Variants in NCKAP5 observed in about 807,000 individuals in gnomAD.
NCKAP5 encodes nck-associated protein 5.
NCKAP5 carries 92 observed loss-of-function variants against 167.0 expected under a neutral mutation model. The observed-to-expected ratio is 0.55, with a 90% CI of 0.47 to 0.66. The LOEUF (loss-of-function observed/expected upper bound fraction) is 0.66. NCKAP5 is among the 30% of genes least tolerant of loss of function. NCKAP5 has a pLI of 0.00. For synonymous variants in NCKAP5, 891 were observed against 877.4 expected (o/e 1.02, Z -0.27); for missense variants, 2,378 against 2,315.0 (o/e 1.03, Z -0.56).
At chr2:133,579,371 GA>G in the NCKAP5 span, among the ~76,000 whole-genome samples, 2 of 152,222 alleles carry the variant, frequency 1.3e-5, no homozygotes, top group Non-Finnish European at 2.9e-5. Context: ...CCGTAAGTGA[GA>G]AATCAAGCAA....
At chr2:133,123,625 C>T in intron 6 of NCKAP5, 1 of 323,826 alleles carries the variant, frequency 3.1e-6, no homozygotes, top group Non-Finnish European at 6.5e-6. Flanking sequence ...AGAAAATTGC[C>T]CTCTGTATTC....
intron 8 of NCKAP5, among the ~76,000 whole-genome samples, chr2:132,912,379 CA>C (rs1694521519): frequency 6.6e-6 from 1 of 152,162 alleles, no homozygotes; most frequent in Non-Finnish European, 1.5e-5. Flanking sequence ...GACAGTCAAT[CA>C]GGGTTTTTCA....
chr2:133,162,038 G>C (rs538954795), intron 5 of NCKAP5, among the ~76,000 whole-genome samples: 6 of 152,292 alleles, frequency 3.9e-5, no homozygotes, highest in East Asian at 1.9e-4. Flanking sequence ...ATTTAAAGCA[G>C]ATTTGCACTT....
intron 3 of NCKAP5, among the ~76,000 whole-genome samples, chr2:133,368,084 C>T (rs1559422398): frequency 6.6e-6 from 1 of 152,140 alleles, no homozygotes; most frequent in Non-Finnish European, 1.5e-5. Context: ...AAGAGCTCAT[C>T]AGAGAAAACA....
intron 3 of NCKAP5, among the ~76,000 whole-genome samples, chr2:133,316,412 C>T (rs1165184969): frequency 6.6e-6 from 1 of 152,144 alleles, no homozygotes; most frequent in Non-Finnish European, 1.5e-5. Flanking sequence ...CAGGAAGACT[C>T]CTTTTGCTAC....
intron 2 of NCKAP5, among the ~76,000 whole-genome samples, chr2:133,547,276 T>A (rs919270849): frequency 6.6e-6 from 1 of 151,942 alleles, no homozygotes; most frequent in Non-Finnish European, 1.5e-5. Context: ...GAGATCAAAC[T>A]GCAAGGCGGC....
intron 17 of NCKAP5, among the ~76,000 whole-genome samples, chr2:132,729,286 C>T (rs1356381866): frequency 6.6e-6 from 1 of 152,204 alleles, no homozygotes; most frequent in Non-Finnish European, 1.5e-5. Flanking sequence ...TAATGTTATT[C>T]ATCCAACAAC....
chr2:133,520,439 C>A (rs1684378704), intron 2 of NCKAP5, among the ~76,000 whole-genome samples: 1 of 152,180 alleles, frequency 6.6e-6, no homozygotes, highest in Non-Finnish European at 1.5e-5. Context: ...GCTTCCACTG[C>A]TTACTCTATA....
intron 4 of NCKAP5, among the ~76,000 whole-genome samples, chr2:133,265,585 A>G (rs2089156682): frequency 6.6e-6 from 1 of 152,174 alleles, no homozygotes; most frequent in South Asian, 2.1e-4. Context: ...GCCAGTAGCA[A>G]CAGGGCACAC....
chr2:133,302,718 A>G lies in NCKAP5; in HGVS notation c.143+319T>C, dbSNP rs1413546258. On this transcript the variant is annotated intron_variant, in intron 4 of 19. Coordinates refer to ENST00000409261, the MANE Select transcript of NCKAP5 (RefSeq NM_207363.3). Reference sequence around the variant, plus strand: ...AGTGGGTGCAGCGCACCAGCATGGCACATGTATACATATGTAACTAACCTG... The same window carrying G: ...AGTGGGTGCAGCGCACCAGCATGGCGCATGTATACATATGTAACTAACCTG... Among the ~76,000 whole-genome samples the G allele has an allele frequency of 2.4e-4, 36 of 147,860 alleles. No individual in the cohort carries two copies. In the South Asian group the frequency reaches 5.7e-3, roughly 23 times the overall value.
rs114834697 is a variant in NCKAP5, at chr2:133,192,258, A to G, written c.207+21458T>C. Among the ~76,000 whole-genome samples, 773 of 152,230 alleles carry G rather than the reference A, an allele frequency of 5.1e-3. 14 individuals are homozygous for G. Among genetic ancestry groups the G allele is most frequent in the African/African-American group, 0.018 (732 of 41,564 alleles). On this transcript the variant is annotated intron_variant, in intron 5 of 19. Coordinates refer to ENST00000409261, the MANE Select transcript of NCKAP5 (RefSeq NM_207363.3). ...TCTATAGGCAACAAAAAGAACTTCAACCTAAGTCTTATACCAAATGTATCA... is the reference window on the plus strand; with the variant it reads ...TCTATAGGCAACAAAAAGAACTTCAGCCTAAGTCTTATACCAAATGTATCA...
chr2:132,873,315 A>G lies in NCKAP5; in HGVS notation c.649-4341T>C, dbSNP rs111984573. Among the ~76,000 whole-genome samples, 419 of 152,168 alleles carry G rather than the reference A, an allele frequency of 2.8e-3. 2 individuals are homozygous for G. The highest frequency in any genetic ancestry group is 9.5e-3 in the African/African-American group (396 of 41,512). On this transcript the variant is annotated intron_variant, in intron 9 of 19. Transcript: ENST00000409261. ...TTTTTAGTGGAGATGGGGTTTCACCATATCAGCCAGGATGGTCTCGATCTC... is the reference window on the plus strand; with the variant it reads ...TTTTTAGTGGAGATGGGGTTTCACCGTATCAGCCAGGATGGTCTCGATCTC...
At chr2:132,910,626 T>A (rs1558931050) in intron 8 of NCKAP5, among the ~76,000 whole-genome samples, 1 of 152,234 alleles carries the variant, frequency 6.6e-6, no homozygotes, top group Non-Finnish European at 1.5e-5. Flanking sequence ...TGAATAGTAC[T>A]CCATTGTATA....
chr2:132,812,207 ATCTGGAG>A (rs1417860550), intron 11 of NCKAP5, among the ~76,000 whole-genome samples: 1 of 152,088 alleles, frequency 6.6e-6, no homozygotes, highest in Non-Finnish European at 1.5e-5. Flanking sequence ...CTTGCAGTTG[ATCTGGAG>A]CTAAAATTCA....
At chr2:132,766,293 A>G (rs1239876635) in intron 16 of NCKAP5, among the ~76,000 whole-genome samples, 4 of 150,916 alleles carry the variant, frequency 2.7e-5, no homozygotes, top group African/African-American at 9.7e-5. Context: ...AAAAAAAAAA[A>G]AAAAAAAAAA....
chr2:132,868,010 A>G (rs1690495286), intron 10 of NCKAP5, among the ~76,000 whole-genome samples: 1 of 152,230 alleles, frequency 6.6e-6, no homozygotes. Context: ...TGCCTGTATC[A>G]TAGAAATTTT....
chr2:133,141,666 T>G (rs897246045), intron 5 of NCKAP5, among the ~76,000 whole-genome samples: 1 of 152,198 alleles, frequency 6.6e-6, no homozygotes, highest in Non-Finnish European at 1.5e-5. Context: ...CAACTACTTT[T>G]TATTCATTTG....
In NCKAP5 at chr2:133,441,094, T is replaced by TCACA. The variant is rs56053040; in HGVS notation, c.69+76360_69+76363dup. The stretch of plus-strand genomic sequence containing the variant: ...TCTCACACCCTACAGACACACACAC[T>TCACA]CACACACACACACACACACACACAC... On this transcript the variant is annotated intron_variant, in intron 3 of 19. Coordinates refer to ENST00000409261, the MANE Select transcript of NCKAP5 (RefSeq NM_207363.3). Among the ~76,000 whole-genome samples, 237 of 149,734 alleles carry TCACA rather than the reference T, an allele frequency of 1.6e-3. 1 individual carries two copies. The highest frequency in any genetic ancestry group is 5.4e-3 in the African/African-American group (222 of 40,980).
At chr2:133,494,820 A>G (rs1331670745) in intron 3 of NCKAP5, among the ~76,000 whole-genome samples, 1 of 152,178 alleles carries the variant, frequency 6.6e-6, no homozygotes, top group Non-Finnish European at 1.5e-5. Flanking sequence ...TATTTTTGAC[A>G]TACTTTGAAA....
Sources: gnomAD v4.1 joint callset for allele counts (sites outside exome capture counted in the v4.1 genomes callset) on GRCh38, gnomAD v4.1.1 for gene constraint, MANE v1.5 for transcripts, NCBI Gene and HGNC (gene_info 2026-07-23, HGNC 2026-07-21) for gene names.